Variants in WEE1 observed in about 807,000 individuals in gnomAD.
The protein encoded by WEE1 is WEE1 G2 checkpoint kinase, also known as wee1-like protein kinase.
Under a neutral mutation model 68.8 loss-of-function variants are expected in WEE1, and 16 were observed. The observed-to-expected ratio is 0.23, with a 90% CI of 0.16 to 0.35. The LOEUF (loss-of-function observed/expected upper bound fraction) is 0.35. Among genes scored for constraint, WEE1 ranks in the 10% least tolerant of loss-of-function variants. WEE1 has a pLI of 1.00. For synonymous variants in WEE1, 349 were observed against 318.7 expected, an observed-to-expected ratio of 1.09 and a Z score of -1.01; for missense variants, 651 against 824.1, an observed-to-expected ratio of 0.79 and a Z score of 2.57.
Position 9,574,105 on chromosome 11 carries a change from C to T in WEE1, c.172C>T (p.Pro58Ser), listed in dbSNP as rs1849535458. The change falls in exon 1 of 11, where the codon CCC becomes TCC. Residue 58 changes from proline to serine, a missense_variant. This residue lies in a region of WEE1 where 395 missense variants were observed against 378.4 expected (regional missense o/e 1.04). Coordinates refer to ENST00000450114, the MANE Select transcript of WEE1 (RefSeq NM_003390.4). This position sits in a 1 kb window ranked among gnomAD's most constrained non-coding sequence, Gnocchi z 4.9. The stretch of plus-strand genomic sequence containing the variant: ...CGGGGAGGACTCGGCCTTTCAAGAG[C>T]CCGACTCGCCGCTGCCGCCCGCGCG... ...STGEDSAFQE[P>S]DSPLPPARSP... 4.1e-6 allele frequency: 5 copies of T among 1,220,154 alleles called. No individual in the cohort carries two copies. Among genetic ancestry groups the T allele is most frequent in the Non-Finnish European group, 5.1e-6 (5 of 980,374 alleles). The allele number at this position is 1,220,154 out of a possible 1,614,324, so 75.6% of individuals were successfully genotyped here.
intron 4 of WEE1, 48 bp from the exon 5 acceptor site, chr11:9,577,094 C>A: frequency 6.4e-7 from 1 of 1,566,716 alleles, no homozygotes; most frequent in South Asian, 1.2e-5. Flanking sequence ...TCAGTTTAAG[C>A]TTGAGTGAAA....
rs746750053 is a variant in WEE1 at position 9,576,478 on chromosome 11, T to C, written c.847-9T>C. The C allele has an allele frequency of 6.2e-7, 1 of 1,607,870 alleles. No homozygotes were observed. The highest frequency in any genetic ancestry group is 2.2e-5 in the East Asian group (1 of 44,822). On this transcript the variant is annotated splice_polypyrimidine_tract_variant and intron_variant, in intron 3 of 10. Coordinates refer to ENST00000450114, the MANE Select transcript of WEE1 (RefSeq NM_003390.4). The surrounding 1 kb of genome is among the most constrained non-coding windows in gnomAD (Gnocchi z 4.3). ...TGTATTACATATATGGAAACACTTT[T>C]TATTACAGAGAATTACAATTACTGA...
At position 9,577,239 on chromosome 11, in the gene WEE1, C is replaced by A. The variant is rs1213387294; in HGVS notation, c.1117C>A (p.Leu373Ile). 1.9e-6 allele frequency: 3 copies of A among 1,613,786 alleles called. No homozygotes were observed. The highest frequency in any genetic ancestry group is 2.5e-6 in the Non-Finnish European group (3 of 1,179,842). The stretch of plus-strand genomic sequence containing the variant: ...TGCGTGGGCAGAAGATGATCATATG[C>A]TTATACAGAATGAATATTGTAATGG... ...FSAWAEDDHM[L>I]IQNEYCNGGS... Residue 373 changes from leucine (L) to isoleucine (I), a missense_variant, in exon 5 of 11, where the codon CTT becomes ATT. Coordinates refer to ENST00000450114, the MANE Select transcript of WEE1 (RefSeq NM_003390.4).
chr11:9,579,407 A>C (rs916611537), intron 5 of WEE1: 1 of 152,198 alleles, frequency 6.6e-6, no homozygotes, highest in Admixed American at 6.5e-5. Flanking sequence ...TTATTTGTAC[A>C]TGAGTAACTG....
chr11:9,589,425 C>T lies in WEE1; in HGVS notation c.*823C>T. 1 of 984,898 alleles carries T rather than the reference C, an allele frequency of 1.0e-6. No homozygotes were observed. Among genetic ancestry groups the T allele is most frequent in the Non-Finnish European group, 1.2e-6 (1 of 829,588 alleles). 61.0% of individuals were successfully genotyped at this position (984,898 alleles called of 1,614,324 possible). On this transcript the variant is annotated 3_prime_UTR_variant, in exon 11 of 11. Transcript: ENST00000450114. ...CTTCCCGGACTCTTTTTAAATGTCT[C>T]CCCCTAAGTTTTATACTTGATTGTA...
chr11:9,580,464 T>TTC (rs1465971589), intron 5 of WEE1: 3 of 133,952 alleles, frequency 2.2e-5, no homozygotes, highest in African/African-American at 9.6e-5. Flanking sequence ...CTTTCTTTCT[T>TTC]TTTTTTTTTT....
chr11:9,577,034 A>G (rs187220604), intron 4 of WEE1, 108 bp from the exon 5 acceptor site: 3 of 1,297,012 alleles, frequency 2.3e-6, no homozygotes, highest in East Asian at 4.9e-5. Context: ...GCTTTTTAGC[A>G]TAACAATAGA....
chr11:9,576,779 A>G lies in WEE1; in HGVS notation c.1019+120A>G. 3.7e-6 allele frequency: 4 copies of G among 1,081,232 alleles called. No homozygotes were observed. The East Asian group carries it at 9.9e-5, about 27-fold the overall frequency. The allele number at this position is 1,081,232 out of a possible 1,614,324, so 67.0% of individuals were successfully genotyped here. On this transcript the variant is annotated intron_variant, in intron 4 of 10. Transcript: ENST00000450114. The surrounding 1 kb of genome is among the most constrained non-coding windows in gnomAD (Gnocchi z 4.3). ...ACTTTTGAGAAGCTGTAATGATTTA[A>G]TCAGGTCCTTTTCACTTAATACCAT...
intron 5 of WEE1, chr11:9,579,569 C>A (rs899129696): frequency 1.3e-5 from 2 of 151,976 alleles, no homozygotes; most frequent in Non-Finnish European, 2.9e-5. Flanking sequence ...AATGTCAGAA[C>A]CTGTTTTGCT....
chr11:9,589,170 G>T lies in WEE1; in HGVS notation c.*568G>T. 1 of 985,592 alleles carries T rather than the reference G, an allele frequency of 1.0e-6. No homozygotes were observed. Among genetic ancestry groups the T allele is most frequent in the Non-Finnish European group, 1.2e-6 (1 of 829,892 alleles). The allele number at this position is 985,592 out of a possible 1,614,324, so 61.1% of individuals were successfully genotyped here. A position where few individuals can be genotyped will look rare whatever the true frequency, so the allele number is the denominator to read the frequency against. ...TTGCTGCTATTTTAGTTTTGTCTTT[G>T]CTGTAAACTTGTAGCATTAAACAAT... On this transcript the variant is annotated 3_prime_UTR_variant, in exon 11 of 11. Coordinates refer to ENST00000450114, the MANE Select transcript of WEE1 (RefSeq NM_003390.4).
At chr11:9,577,425 C>A in intron 5 of WEE1, 162 bp downstream of exon 5, 6 of 842,908 alleles carry the variant, frequency 7.1e-6, no homozygotes, top group Non-Finnish European at 1.1e-5. Context: ...AAAACCTTGT[C>A]CTTTCTGAAG....
intron 6 of WEE1, among the ~76,000 whole-genome samples, chr11:9,583,798 CACACATAT>C (rs1447087494): frequency 2.9e-3 from 64 of 22,098 alleles, no homozygotes; most frequent in African/African-American, 7.9e-3. Flanking sequence ...CACACACACA[CACACATAT>C]ATATATATAT....
At position 9,589,345 on chromosome 11, in the gene WEE1, G is replaced by A; in HGVS notation, c.*743G>A. 1 of 984,504 alleles carries A rather than the reference G, an allele frequency of 1.0e-6. No individual in the cohort carries two copies. The highest frequency in any genetic ancestry group is 1.2e-6 in the Non-Finnish European group (1 of 829,790). The allele number at this position is 984,504 out of a possible 1,614,324, so 61.0% of individuals were successfully genotyped here. ...ATGCACCCTTTCCCTCCTTTGGAAT[G>A]CTGTATTAATGTAGTATAATAATTA... On this transcript the variant is annotated 3_prime_UTR_variant, in exon 11 of 11. Transcript: ENST00000450114.
At chr11:9,578,107 A>G in intron 5 of WEE1, 1 of 325,232 alleles carries the variant, frequency 3.1e-6, no homozygotes, top group Admixed American at 4.5e-5. Flanking sequence ...CCTTGTTACG[A>G]CATCAGCACA....
Position 9,574,070 on chromosome 11 carries a change from G to A in WEE1, c.137G>A (p.Gly46Asp). ...EEEEEEEEGS[G>D]HSTGEDSAFQ... ...GAAGAGGAGGAGGAGGAGGGCAGCG[G>A]CCACAGCACCGGGGAGGACTCGGCC... The change falls in exon 1 of 11, where the codon GGC (glycine) becomes GAC (aspartate). Residue 46 changes from glycine to aspartate, a missense_variant. By Grantham distance (94) the Gly-to-Asp change is moderately conservative. Transcript: ENST00000450114. The surrounding 1 kb of genome is among the most constrained non-coding windows in gnomAD (Gnocchi z 4.9). The A allele has an allele frequency of 8.0e-7, 1 of 1,244,804 alleles. No individual in the cohort carries two copies. The highest frequency in any genetic ancestry group is 1.0e-6 in the Non-Finnish European group (1 of 994,238). The allele number at this position is 1,244,804 out of a possible 1,614,324, so 77.1% of individuals were successfully genotyped here. A position where few individuals can be genotyped will look rare whatever the true frequency, so the allele number is the denominator to read the frequency against.
rs192635359 is a variant in WEE1, at chr11:9,584,156, G to C, written c.1289-1102G>C. On this transcript the variant is annotated intron_variant, in intron 6 of 10. Transcript: ENST00000450114. ...CCACCACTCCCGGCCTTATTTTTTA[G>C]AGATAGTCTCACTCTGTTGCCCAGG... Among the ~76,000 whole-genome samples the C allele has an allele frequency of 4.2e-3, 630 of 151,688 alleles. 7 individuals carry two copies. Among genetic ancestry groups the C allele is most frequent in the African/African-American group, 0.015 (604 of 41,372 alleles).
Position 9,588,756 on chromosome 11 carries a change from T to C in WEE1, c.*154T>C. The stretch of plus-strand genomic sequence containing the variant: ...GTGAATTACAGTTGAAAGCTGTATT[T>C]TGATGATTGCTATGTCAGGCTTTCA... On this transcript the variant is annotated 3_prime_UTR_variant, in exon 11 of 11. Transcript: ENST00000450114. 7.7e-7 allele frequency: 1 copy of C among 1,296,636 alleles called. No individual in the cohort carries two copies. Among genetic ancestry groups the C allele is most frequent in the Non-Finnish European group, 9.8e-7 (1 of 1,019,220 alleles). 80.3% of individuals were successfully genotyped at this position (1,296,636 alleles called of 1,614,324 possible).
intron 5 of WEE1, chr11:9,579,394 T>C (rs945509826): frequency 2.0e-5 from 3 of 152,256 alleles, no homozygotes; most frequent in Admixed American, 6.5e-5. Flanking sequence ...AGGATTCTGA[T>C]ATTTATTTGT....
chr11:9,574,298 C>A lies in WEE1; in HGVS notation c.365C>A (p.Ser122Ter). ...TGGGAGGAGGAGGGCTTCGGCTCCT[C>A]GTCGCCGGTCAAGTCGCCGGCGGCC... ...DSWEEEGFGS[S>*]SPVKSPAAPY... Residue 122 changes from serine to a stop codon, truncating the protein, a stop_gained, in exon 1 of 11, where the codon TCG (serine) becomes TAG (stop). Coordinates refer to ENST00000450114, the MANE Select transcript of WEE1 (RefSeq NM_003390.4). LOFTEE classifies it high-confidence loss of function. This position sits in a 1 kb window ranked among gnomAD's most constrained non-coding sequence, Gnocchi z 4.9. The A allele has an allele frequency of 7.9e-7, 1 of 1,261,804 alleles. No homozygotes were observed. Among genetic ancestry groups the A allele is most frequent in the Non-Finnish European group, 1.0e-6 (1 of 1,003,136 alleles). 78.2% of individuals were successfully genotyped at this position (1,261,804 alleles called of 1,614,324 possible).
Sources: gnomAD v4.1 joint callset for allele counts (sites outside exome capture counted in the v4.1 genomes callset) on GRCh38, gnomAD v4.1.1 for gene constraint, gnomAD v4.1.1 regional missense constraint, Gnocchi (gnomAD v3.1) non-coding constraint, MANE v1.5 for transcripts, NCBI Gene and HGNC (gene_info 2026-07-23, HGNC 2026-07-21) for gene names.